The following MXI1 variants were observed in gnomAD, a reference collection of about 807,000 sequenced individuals.
MXI1 encodes MAX interactor 1, dimerization protein.
MXI1 carries 18 observed loss-of-function variants against 36.9 expected under a neutral mutation model. That is an observed-to-expected ratio of 0.49 (90% CI 0.34 to 0.72). The LOEUF (loss-of-function observed/expected upper bound fraction) is 0.72, where lower values mean the gene tolerates loss of function less well. Ranked by LOEUF, MXI1 falls within the 30% of genes least tolerant of loss-of-function variation. MXI1 has a pLI of 0.01. For synonymous variants in MXI1, 160 were observed against 146.7 expected (o/e 1.09, Z -0.65); for missense variants, 304 against 379.1 (o/e 0.80, Z 1.64).
At position 110,240,191 on chromosome 10, in the gene MXI1, T is replaced by C. The variant is rs1416725581; in HGVS notation, c.408-4637T>C. 2.0e-5 allele frequency among the ~76,000 whole-genome samples: 3 copies of C among 152,104 alleles called. No homozygotes were observed. In the South Asian group the frequency reaches 6.2e-4, roughly 31 times the overall value. ...TCTACTATTGATGAATGCTTCCAGT[T>C]TGGGGCCAGTATGAATAGTTCTATA... On this transcript the variant is annotated intron_variant, in intron 2 of 5. Coordinates refer to ENST00000332674, the MANE Select transcript of MXI1 (RefSeq NM_130439.3).
intron 3 of MXI1, among the ~76,000 whole-genome samples, chr10:110,258,793 T>C (rs1039388386): frequency 6.6e-6 from 1 of 152,146 alleles, no homozygotes; most frequent in Non-Finnish European, 1.5e-5. Context: ...ATGAAGTCAT[T>C]GCAGTTGTGT....
At chr10:110,251,640 G>A (rs921686843) in intron 3 of MXI1, among the ~76,000 whole-genome samples, 1 of 152,140 alleles carries the variant, frequency 6.6e-6, no homozygotes, top group Non-Finnish European at 1.5e-5. Context: ...TGTGAAACCT[G>A]TGTATACTGG....
intron 1 of MXI1, among the ~76,000 whole-genome samples, chr10:110,222,873 G>T (rs1854852698): frequency 6.6e-6 from 1 of 152,200 alleles, no homozygotes; most frequent in Admixed American, 6.5e-5. Flanking sequence ...GTGCTGGAGA[G>T]GCCCTTATAG....
At chr10:110,250,115 AG>A (rs1279862060) in intron 3 of MXI1, among the ~76,000 whole-genome samples, 1 of 152,118 alleles carries the variant, frequency 6.6e-6, no homozygotes, top group African/African-American at 2.4e-5. Flanking sequence ...AGGGAGCTCT[AG>A]GTAGTTTCAG....
chr10:110,269,918 A>C (rs1358298978), intron 3 of MXI1, among the ~76,000 whole-genome samples: 5 of 152,216 alleles, frequency 3.3e-5, no homozygotes, highest in Admixed American at 3.3e-4. Flanking sequence ...GCCAGAATAG[A>C]GATGAACACC....
chr10:110,224,497 C>G (rs1293341296), intron 1 of MXI1, among the ~76,000 whole-genome samples: 1 of 152,172 alleles, frequency 6.6e-6, no homozygotes, highest in Non-Finnish European at 1.5e-5. Context: ...AAGCACGGAA[C>G]AGAGCTCCTG....
intron 5 of MXI1, among the ~76,000 whole-genome samples, chr10:110,284,301 TTGA>T (rs1857367906): frequency 6.6e-6 from 1 of 152,192 alleles, no homozygotes; most frequent in African/African-American, 2.4e-5. Context: ...AATGACTTGT[TTGA>T]CTGACTAGTT....
At chr10:110,269,668 C>T (rs1170300938) in intron 3 of MXI1, among the ~76,000 whole-genome samples, 1 of 152,144 alleles carries the variant, frequency 6.6e-6, no homozygotes, top group African/African-American at 2.4e-5. Context: ...ATTATCACTG[C>T]GTCTCAGATC....
chr10:110,244,521 T>G (rs1206016939), intron 2 of MXI1, among the ~76,000 whole-genome samples: 3 of 151,754 alleles, frequency 2.0e-5, no homozygotes, highest in African/African-American at 7.2e-5. Flanking sequence ...TTATATAACA[T>G]CTGCAGATCA....
intron 1 of MXI1, among the ~76,000 whole-genome samples, chr10:110,221,105 G>A (rs1854794046): frequency 6.6e-6 from 1 of 152,218 alleles, no homozygotes; most frequent in Non-Finnish European, 1.5e-5. Context: ...AGTTGACTCT[G>A]ATGGCAACCT....
chr10:110,224,627 G>T (rs1299995729), intron 1 of MXI1, among the ~76,000 whole-genome samples: 1 of 148,196 alleles, frequency 6.7e-6, no homozygotes, highest in African/African-American at 2.5e-5. Context: ...TGAATGAGCA[G>T]TCAGTGGCTT....
At chr10:110,249,443 G>A (rs1855990932) in intron 3 of MXI1, among the ~76,000 whole-genome samples, 2 of 151,910 alleles carry the variant, frequency 1.3e-5, no homozygotes, top group African/African-American at 4.8e-5. Flanking sequence ...GACAGGCATG[G>A]TGGTGCATCC....
At chr10:110,266,723 A>T (rs184688303) in intron 3 of MXI1, among the ~76,000 whole-genome samples, 31 of 152,280 alleles carry the variant, frequency 2.0e-4, no homozygotes, top group African/African-American at 7.5e-4. Context: ...CACGTTGTAC[A>T]TTATATTTTA....
chr10:110,267,951 G>C (rs1357388388), intron 3 of MXI1, among the ~76,000 whole-genome samples: 1 of 152,170 alleles, frequency 6.6e-6, no homozygotes, highest in Non-Finnish European at 1.5e-5. Flanking sequence ...ACAGTTGTTG[G>C]TGATCCTGAA....
At chr10:110,228,476 C>G (rs1855141853) in intron 2 of MXI1, among the ~76,000 whole-genome samples, 155 bp downstream of exon 2, 1 of 152,092 alleles carries the variant, frequency 6.6e-6, no homozygotes, top group South Asian at 2.1e-4. Context: ...AAATCATAAC[C>G]TGGTTTTGCA....
chr10:110,249,555 G>A (rs1350582811), intron 3 of MXI1, among the ~76,000 whole-genome samples: 10 of 149,614 alleles, frequency 6.7e-5, no homozygotes, highest in African/African-American at 2.0e-4. Flanking sequence ...TTCCAGCCTC[G>A]GTGACAGAGC....
rs752422361 is a variant in MXI1 at position 110,244,872 on chromosome 10, A to T, written c.437+15A>T. Reference sequence around the variant, plus strand: ...GAAAAGAATCGGTGAGTCAGTGATGAGGTACAGCTTTCACTTACGTTTAAA... The same window carrying T: ...GAAAAGAATCGGTGAGTCAGTGATGTGGTACAGCTTTCACTTACGTTTAAA... On this transcript the variant is annotated intron_variant, in intron 3 of 5. Transcript: ENST00000332674. 6.2e-7 allele frequency: 1 copy of T among 1,606,354 alleles called. No individual in the cohort carries two copies. Among genetic ancestry groups the T allele is most frequent in the African/African-American group, 1.3e-5 (1 of 74,400 alleles).
chr10:110,279,241 T>G lies in MXI1; in HGVS notation c.499T>G (p.Cys167Gly), dbSNP rs1857149800. 9 of 1,614,238 alleles carry G rather than the reference T, an allele frequency of 5.6e-6. No individual in the cohort carries two copies. Among genetic ancestry groups the G allele is most frequent in the Non-Finnish European group, 6.8e-6 (8 of 1,180,032 alleles). ...AGTTCTGATTCCACTAGGACCAGAC[T>G]GCACCCGGCACACAACACTTGGTTT... is the stretch of plus-strand genomic sequence containing the variant. ...LKVLIPLGPD[C>G]TRHTTLGLLN... is the part of the protein sequence containing the mutation. Residue 167 changes from cysteine (C) to glycine (G), a missense_variant, in exon 4 of 6, where the codon TGC becomes GGC. Transcript: ENST00000332674.
intron 1 of MXI1, among the ~76,000 whole-genome samples, chr10:110,220,611 C>A (rs775728820): frequency 6.6e-6 from 1 of 152,114 alleles, no homozygotes; most frequent in African/African-American, 2.4e-5. Flanking sequence ...CAGCTCCTGG[C>A]AGGGGAGGGA....
Sources: gnomAD v4.1 joint callset for allele counts (sites outside exome capture counted in the v4.1 genomes callset) on GRCh38, gnomAD v4.1.1 for gene constraint, MANE v1.5 for transcripts, NCBI Gene and HGNC (gene_info 2026-07-23, HGNC 2026-07-21) for gene names.